The following MMP16 variants were observed in gnomAD, a reference collection of about 807,000 sequenced individuals.
The protein encoded by MMP16 is matrix metalloproteinase-16.
A neutral mutation model predicts 67.8 loss-of-function variants in MMP16; 12 were observed. That is an observed-to-expected ratio of 0.18 (90% CI 0.11 to 0.29). MMP16 has a LOEUF of 0.29. Among genes scored for constraint, MMP16 ranks in the 10% least tolerant of loss-of-function variants. The pLI, the probability that MMP16 is intolerant of heterozygous loss-of-function variation, is 1.00. For missense variants in MMP16, 475 were observed against 765.7 expected (o/e 0.62, Z 4.48); for synonymous variants, 249 against 255.9 (o/e 0.97, Z 0.26).
At chr8:88,227,061 G>A (rs998901377) in intron 1 of MMP16, among the ~76,000 whole-genome samples, 2 of 151,768 alleles carry the variant, frequency 1.3e-5, no homozygotes, top group Non-Finnish European at 2.9e-5. Context: ...TCAGGCAACT[G>A]TGTTTTATAA....
intron 4 of MMP16, among the ~76,000 whole-genome samples, chr8:88,149,616 G>T (rs369834268): frequency 6.6e-6 from 1 of 151,538 alleles, no homozygotes; most frequent in African/African-American, 2.4e-5. Flanking sequence ...CACCTCACAC[G>T]GCAGGGTATT....
intron 4 of MMP16, among the ~76,000 whole-genome samples, chr8:88,132,657 T>C (rs577985086): frequency 6.6e-6 from 1 of 151,944 alleles, no homozygotes; most frequent in Non-Finnish European, 1.5e-5. Flanking sequence ...CACTGGAACC[T>C]GCAGTCATTT....
intron 4 of MMP16, among the ~76,000 whole-genome samples, chr8:88,160,992 A>G (rs1468692681): frequency 1.3e-5 from 2 of 152,130 alleles, no homozygotes; most frequent in Non-Finnish European, 2.9e-5. Flanking sequence ...CATCAGGGAT[A>G]TTGGTCTAAA....
chr8:88,250,406 T>C (rs1439132420), intron 1 of MMP16, among the ~76,000 whole-genome samples: 2 of 152,084 alleles, frequency 1.3e-5, no homozygotes, highest in South Asian at 4.1e-4. Flanking sequence ...AATTTCCAAA[T>C]TAAATAAAGG....
intron 7 of MMP16, among the ~76,000 whole-genome samples, chr8:88,067,455 G>T (rs1228645956): frequency 1.3e-5 from 2 of 151,988 alleles, no homozygotes; most frequent in Non-Finnish European, 2.9e-5. Flanking sequence ...TGGTATAACT[G>T]ACATTCAATA....
chr8:88,142,289 T>C (rs1271310737), intron 4 of MMP16, among the ~76,000 whole-genome samples: 1 of 152,154 alleles, frequency 6.6e-6, no homozygotes, highest in Admixed American at 6.6e-5. Flanking sequence ...AATCCTATTA[T>C]ATTCAATCAC....
intron 3 of MMP16, 84 bp downstream of exon 3, chr8:88,186,392 C>T (rs1023813189): frequency 7.9e-6 from 12 of 1,523,806 alleles, no homozygotes; most frequent in Admixed American, 3.5e-5. Flanking sequence ...ATGTAGTCAA[C>T]GTGCAGAAGA....
chr8:88,182,670 G>A lies in MMP16; in HGVS notation c.404+3806C>T, dbSNP rs182071149. ...TTGACAGTTTCTTACAAAGCTAACC[G>A]TAGTCTTATCATATGATCAGCAATG... On this transcript the variant is annotated intron_variant, in intron 3 of 9. Transcript: ENST00000286614. 3.0e-3 allele frequency among the ~76,000 whole-genome samples: 458 copies of A among 152,120 alleles called. 3 individuals are homozygous for A. Among genetic ancestry groups the A allele is most frequent in the African/African-American group, 0.01 (418 of 41,524 alleles).
At chr8:88,239,593 A>G (rs1810002834) in intron 1 of MMP16, among the ~76,000 whole-genome samples, 1 of 151,872 alleles carries the variant, frequency 6.6e-6, no homozygotes, top group African/African-American at 2.4e-5. Flanking sequence ...GAAAAATCTC[A>G]TGGTTTCCAC....
intron 6 of MMP16, among the ~76,000 whole-genome samples, chr8:88,108,230 C>T (rs1809275276): frequency 6.6e-6 from 1 of 151,174 alleles, no homozygotes; most frequent in South Asian, 2.1e-4. Context: ...ACTGGTCACA[C>T]AATTAACACA....
intron 6 of MMP16, among the ~76,000 whole-genome samples, chr8:88,085,478 C>T (rs940603275): frequency 3.3e-5 from 5 of 151,928 alleles, no homozygotes; most frequent in African/African-American, 1.2e-4. Flanking sequence ...TAAGATTGAC[C>T]AGATGTAATT....
chr8:88,085,697 C>A (rs1023067059), intron 6 of MMP16, among the ~76,000 whole-genome samples: 3 of 151,816 alleles, frequency 2.0e-5, no homozygotes, highest in East Asian at 3.9e-4. Flanking sequence ...GTCATAGTTA[C>A]CATTTGGATT....
chr8:88,062,827 A>G (rs546314552), intron 7 of MMP16, among the ~76,000 whole-genome samples: 7 of 152,102 alleles, frequency 4.6e-5, no homozygotes, highest in Non-Finnish European at 7.4e-5. Context: ...AAAAAAGAAG[A>G]AAAAACGTAA....
chr8:88,093,692 AT>A (rs1221674557), intron 6 of MMP16, among the ~76,000 whole-genome samples: 1 of 151,936 alleles, frequency 6.6e-6, no homozygotes, highest in African/African-American at 2.4e-5. Flanking sequence ...ATATTTTAAA[AT>A]AACCCTCAAG....
chr8:88,267,651 T>C (rs1810495413), intron 1 of MMP16, among the ~76,000 whole-genome samples: 2 of 152,180 alleles, frequency 1.3e-5, no homozygotes, highest in Non-Finnish European at 2.9e-5. Context: ...TATTAAGAGT[T>C]AGTAGAATTA....
intron 1 of MMP16, among the ~76,000 whole-genome samples, chr8:88,315,304 TC>T (rs762866349): frequency 1.2e-4 from 19 of 152,328 alleles, no homozygotes; most frequent in Admixed American, 2.6e-4. Context: ...TCAAGCTTTT[TC>T]ATTAGATGAT....
At chr8:88,185,746 TTC>T (rs1318393938) in intron 3 of MMP16, among the ~76,000 whole-genome samples, 1 of 152,174 alleles carries the variant, frequency 6.6e-6, no homozygotes, top group African/African-American at 2.4e-5. Context: ...TCATCTGGTT[TTC>T]TAGAATGGGT....
At chr8:88,265,393 G>C (rs1483353688) in intron 1 of MMP16, among the ~76,000 whole-genome samples, 1 of 151,964 alleles carries the variant, frequency 6.6e-6, no homozygotes, top group Non-Finnish European at 1.5e-5. Flanking sequence ...GCTAAAAGCT[G>C]CATGAAGCAC....
chr8:88,125,365 T>C (rs1187894870), intron 4 of MMP16, among the ~76,000 whole-genome samples: 1 of 151,926 alleles, frequency 6.6e-6, no homozygotes, highest in African/African-American at 2.4e-5. Context: ...AAAGCATGTC[T>C]AATAAGGCAC....
Sources: gnomAD v4.1 joint callset for allele counts (sites outside exome capture counted in the v4.1 genomes callset) on GRCh38, gnomAD v4.1.1 for gene constraint, MANE v1.5 for transcripts, NCBI Gene and HGNC (gene_info 2026-07-23, HGNC 2026-07-21) for gene names.